The following MYH1 variants were observed in gnomAD, a reference collection of about 807,000 sequenced individuals.
MYH1 encodes the protein myosin-1.
In MYH1, 214 loss-of-function variants were observed where a neutral mutation model predicts 225.6. The ratio of observed to expected loss-of-function variants is 0.95; its 90% CI spans 0.85 to 1.06. The LOEUF (loss-of-function observed/expected upper bound fraction) is 1.06. Among genes scored for constraint, MYH1 ranks in the 50% least tolerant of loss-of-function variants. The probability of loss-of-function intolerance (pLI) is 0.00; values close to 1 mark genes in which losing one functional copy is unlikely to be tolerated. For missense variants in MYH1, 2,098 were observed against 2,344.2 expected, an observed-to-expected ratio of 0.89 and a Z score of 2.17; for synonymous variants, 774 against 842.3, an observed-to-expected ratio of 0.92 and a Z score of 1.40.
At chr17:10,507,861 T>C in intron 17 of MYH1, 25 bp downstream of exon 17, 5 of 1,593,396 alleles carry the variant, frequency 3.1e-6, no homozygotes, top group Non-Finnish European at 4.3e-6. Flanking sequence ...TAAATCTAAT[T>C]AGACAGAGAA....
intron 6 of MYH1, 105 bp from the exon 7 acceptor site, chr17:10,514,229 T>C: frequency 7.5e-7 from 1 of 1,327,600 alleles, no homozygotes; most frequent in Non-Finnish European, 1.1e-6. Flanking sequence ...TTTTACATCT[T>C]TCTTTTCAGC....
intron 22 of MYH1, among the ~76,000 whole-genome samples, chr17:10,504,420 A>G (rs557884204): frequency 1.3e-5 from 2 of 152,378 alleles, no homozygotes; most frequent in Non-Finnish European, 2.9e-5. Context: ...TACAAAACTC[A>G]GAATATTGAT....
In MYH1 at chr17:10,493,273, T is replaced by C. The variant is rs567279399; in HGVS notation, c.5668-705A>G. On this transcript the variant is annotated intron_variant, in intron 39 of 39. Transcript: ENST00000226207. ...GGAACTGGAGAAAGATTAAGCAATT[T>C]GTCCGAGGTATGGACAGTAGCGTGT... is the stretch of plus-strand genomic sequence containing the variant. Among the ~76,000 whole-genome samples, 3 of 152,344 alleles carry C rather than the reference T, an allele frequency of 2.0e-5. No individual in the cohort carries two copies. The South Asian group carries it at 6.2e-4, about 32-fold the overall frequency.
In MYH1 at chr17:10,503,233, C is replaced by T; in HGVS notation, c.2707G>A (p.Ala903Thr). 6.2e-7 allele frequency: 1 copy of T among 1,614,162 alleles called. No individual in the cohort carries two copies. Among genetic ancestry groups the T allele is most frequent in the Non-Finnish European group, 8.5e-7 (1 of 1,180,036 alleles). ...TGGTCACACCTTTCCTCTGCATCAG[C>T]CAAGCTGTCAGCTTCCTGAGAAGAG... ...LQVQAEADSL[A>T]DAEERCDQLI... The change falls in exon 23 of 40, where the codon GCT becomes ACT. Residue 903 changes from alanine (A) to threonine (T), a missense_variant. Transcript: ENST00000226207.
At chr17:10,512,316 C>T in intron 12 of MYH1, 92 bp downstream of exon 12, 1 of 1,602,016 alleles carries the variant, frequency 6.2e-7, no homozygotes, top group Non-Finnish European at 8.6e-7. Flanking sequence ...GTATGTCCAT[C>T]AGGAGCTCAG....
chr17:10,509,343 C>T, intron 15 of MYH1, 142 bp downstream of exon 15: 2 of 1,343,652 alleles, frequency 1.5e-6, no homozygotes, highest in East Asian at 2.5e-5. Flanking sequence ...AGAATATCTA[C>T]TTCAGAGTTG....
chr17:10,501,362 T>C lies in MYH1; in HGVS notation c.3486A>G (p.Ser1162=), dbSNP rs746702124. 1 of 1,614,138 alleles carries C rather than the reference T, an allele frequency of 6.2e-7. No individual in the cohort carries two copies. Among genetic ancestry groups the C allele is most frequent in the Non-Finnish European group, 8.5e-7 (1 of 1,180,044 alleles). ...GCTTCTTGTTCATCTCAATCTGGGCTGAGGTGGCCCCACCGGCTTCTTCCA... is the reference window on the plus strand; with the variant it reads ...GCTTCTTGTTCATCTCAATCTGGGCCGAGGTGGCCCCACCGGCTTCTTCCA... ...ERLEEAGGAT[S]AQIEMNKKRE... is the part of the protein sequence containing the mutation. The change falls in exon 27 of 40, where the codon TCA becomes TCG. Residue 1162 remains serine, a synonymous_variant. Coordinates refer to ENST00000226207, the MANE Select transcript of MYH1 (RefSeq NM_005963.4).
chr17:10,511,763 A>G, intron 14 of MYH1, 76 bp downstream of exon 14: 2 of 1,605,630 alleles, frequency 1.2e-6, no homozygotes, highest in South Asian at 1.1e-5. Flanking sequence ...ATAAGTGACT[A>G]CAGGCATGCT....
intron 9 of MYH1, 46 bp from the exon 10 acceptor site, chr17:10,513,011 T>C: frequency 7.6e-7 from 1 of 1,310,630 alleles, no homozygotes. Context: ...AATTACACAA[T>C]GTCCTGGAGT....
chr17:10,512,244 T>C, intron 12 of MYH1, 52 bp from the exon 13 acceptor site: 1 of 1,593,292 alleles, frequency 6.3e-7, no homozygotes, highest in South Asian at 1.1e-5. Context: ...GGACCCACAG[T>C]TCAAAGGGGC....
chr17:10,494,280 T>G (rs1164535140), intron 39 of MYH1, 74 bp downstream of exon 39: 2 of 1,405,308 alleles, frequency 1.4e-6, no homozygotes, highest in African/African-American at 1.4e-5. Context: ...TTTACTCATC[T>G]TTTCTTTTGT....
intron 14 of MYH1, among the ~76,000 whole-genome samples, chr17:10,511,190 C>T (rs2073167529): frequency 6.6e-6 from 1 of 151,620 alleles, no homozygotes; most frequent in African/African-American, 2.4e-5. Flanking sequence ...ATCCGAGATA[C>T]TGCTGTCAAG....
At chr17:10,512,600 A>G in intron 11 of MYH1, 54 bp from the exon 12 acceptor site, 1 of 1,612,816 alleles carries the variant, frequency 6.2e-7, no homozygotes, top group Admixed American at 1.7e-5. Flanking sequence ...TTTATACTGT[A>G]TCTTTTACAC....
intron 2 of MYH1, 24 bp downstream of exon 2, chr17:10,518,215 AG>A (rs2073248660): frequency 6.6e-6 from 1 of 152,092 alleles, no homozygotes; most frequent in South Asian, 2.1e-4. Flanking sequence ...GTGAGGAATG[AG>A]AAAAAAAAAA....
At chr17:10,517,434 G>A (rs1251985077) in intron 2 of MYH1, among the ~76,000 whole-genome samples, 3 of 151,982 alleles carry the variant, frequency 2.0e-5, no homozygotes, top group African/African-American at 7.2e-5. Context: ...TATTACCTAT[G>A]TTTTCTTGCT....
In MYH1 at chr17:10,495,101, C is replaced by T; in HGVS notation, c.5296G>A (p.Ala1766Thr). The change falls in exon 37 of 40, where the codon GCT (alanine) becomes ACT (threonine). Residue 1766 changes from alanine to threonine, a missense_variant and splice_region_variant. By Grantham distance (58) the Ala-to-Thr change is moderately conservative. Coordinates refer to ENST00000226207, the MANE Select transcript of MYH1 (RefSeq NM_005963.4). ...EEKAKKAITD[A>T]AMMAEELKKE... ...TTCAGCTCCTCAGCCATCATGGCAG[C>T]CTAATTAGCAGTAAAACAGAATGGG... is the stretch of plus-strand genomic sequence containing the variant. The T allele has an allele frequency of 6.2e-7, 1 of 1,614,174 alleles. No homozygotes were observed. Among genetic ancestry groups the T allele is most frequent in the Non-Finnish European group, 8.5e-7 (1 of 1,180,024 alleles).
chr17:10,502,784 T>A lies in MYH1; in HGVS notation c.3065A>T (p.Asn1022Ile). Residue 1022 changes from asparagine to isoleucine, a missense_variant, in exon 24 of 40, where the codon AAC (asparagine) becomes ATC (isoleucine). Asn to Ile is a moderately radical substitution (Grantham distance 149, BLOSUM62 -3). Coordinates refer to ENST00000226207, the MANE Select transcript of MYH1 (RefSeq NM_005963.4). ...DDLQAEEDKV[N>I]TLTKAKIKLE... The stretch of plus-strand genomic sequence containing the variant: ...TTTGATTTTAGCTTTGGTCAGGGTG[T>A]TGACTTTGTCCTCCTCTGCCTGCAG... 1 of 1,614,152 alleles carries A rather than the reference T, an allele frequency of 6.2e-7. No individual in the cohort carries two copies. The highest frequency in any genetic ancestry group is 8.5e-7 in the Non-Finnish European group (1 of 1,180,004).
Position 10,505,840 on chromosome 17 carries a change from T to C in MYH1, c.2146A>G (p.Arg716Gly). The change falls in exon 19 of 40, where the codon AGA becomes GGA. Residue 716 changes from arginine (R) to glycine (G), a missense_variant. Transcript: ENST00000226207. ...IRICRKGFPS[R>G]ILYADFKQRY... is the part of the protein sequence containing the mutation. The stretch of plus-strand genomic sequence containing the variant: ...TGTTTGAAGTCTGCATAAAGGATTC[T>C]GCTTGGGAAGCCTTTCCTGCAGATG... 1 of 1,614,086 alleles carries C rather than the reference T, an allele frequency of 6.2e-7. No individual in the cohort carries two copies. The highest frequency in any genetic ancestry group is 8.5e-7 in the Non-Finnish European group (1 of 1,179,932).
intron 22 of MYH1, among the ~76,000 whole-genome samples, chr17:10,503,655 A>C (rs2073079706): frequency 6.6e-6 from 1 of 152,206 alleles, no homozygotes; most frequent in Non-Finnish European, 1.5e-5. Context: ...TCATCCAGTG[A>C]CAGAGTAGAC....
Sources: gnomAD v4.1 joint callset for allele counts (sites outside exome capture counted in the v4.1 genomes callset) on GRCh38, gnomAD v4.1.1 for gene constraint, MANE v1.5 for transcripts, NCBI Gene and HGNC (gene_info 2026-07-23, HGNC 2026-07-21) for gene names.